Variants in ENPP2 observed in about 807,000 individuals in gnomAD.
ENPP2 encodes the protein ectonucleotide pyrophosphatase/phosphodiesterase 2.
In ENPP2, 51 loss-of-function variants were observed where a neutral mutation model predicts 120.2. That is an observed-to-expected ratio of 0.42 (90% confidence interval 0.34 to 0.54). ENPP2 has a LOEUF of 0.54. Ranked by LOEUF, ENPP2 falls within the 20% of genes least tolerant of loss-of-function variation. The pLI, the probability that ENPP2 is intolerant of heterozygous loss-of-function variation, is 0.04. For missense variants in ENPP2, 920 were observed against 1,066.5 expected (o/e 0.86, Z 1.91); for synonymous variants, 365 against 366.4 (o/e 1.00, Z 0.04).
At chr8:119,633,446 T>TC in intron 2 of ENPP2, among the ~76,000 whole-genome samples, 1 of 151,144 alleles carries the variant, frequency 6.6e-6, no homozygotes, top group African/African-American at 2.5e-5. Flanking sequence ...GCTGTGGTTA[T>TC]ACCAGCTCCT....
rs146602722 is a variant in ENPP2 at position 119,601,538 on chromosome 8, T to A, written c.834-76A>T. ...CTCAAGCCTGAGGAGTGCTCGCTCT[T>A]GCACCCAGGCCAAATGCTCTCTATT... is the stretch of plus-strand genomic sequence containing the variant. On this transcript the variant is annotated intron_variant, in intron 9 of 24. Coordinates refer to ENST00000075322, the MANE Select transcript of ENPP2 (RefSeq NM_001040092.3). 3.8e-6 allele frequency: 4 copies of A among 1,051,436 alleles called. No homozygotes were observed. In the East Asian group the frequency reaches 9.5e-5, roughly 25 times the overall value. 65.1% of individuals were successfully genotyped at this position (1,051,436 alleles called of 1,614,324 possible). A position where few individuals can be genotyped will look rare whatever the true frequency, so the allele number is the denominator to read the frequency against.
At chr8:119,650,541 C>T (rs534656549) in intron 1 of ENPP2, among the ~76,000 whole-genome samples, 2 of 152,178 alleles carry the variant, frequency 1.3e-5, no homozygotes, top group East Asian at 3.9e-4. Flanking sequence ...GAAGCAAATT[C>T]CAAAGCATCT....
At chr8:119,564,506 C>T (rs982849646) in intron 23 of ENPP2, among the ~76,000 whole-genome samples, 7 of 151,694 alleles carry the variant, frequency 4.6e-5, no homozygotes, top group African/African-American at 1.2e-4. Flanking sequence ...GGTGAAACCC[C>T]GTCTCTGCTA....
intron 1 of ENPP2, among the ~76,000 whole-genome samples, chr8:119,658,453 A>G (rs986066742): frequency 1.3e-5 from 2 of 152,184 alleles, no homozygotes; most frequent in Non-Finnish European, 2.9e-5. Flanking sequence ...AATTTTTTGT[A>G]GAGAAGAGGT....
intron 1 of ENPP2, among the ~76,000 whole-genome samples, chr8:119,660,566 G>C (rs973065165): frequency 9.9e-5 from 15 of 152,228 alleles, no homozygotes; most frequent in African/African-American, 3.6e-4. Flanking sequence ...TCTTGGGTCA[G>C]CTTCTGAGCA....
Position 119,587,021 on chromosome 8 carries a change from G to A in ENPP2, c.1239+23C>T, listed in dbSNP as rs757854082. 5 of 1,606,688 alleles carry A rather than the reference G, an allele frequency of 3.1e-6. No homozygotes were observed. In the Admixed American group the frequency reaches 8.5e-5, roughly 27 times the overall value. On this transcript the variant is annotated intron_variant, in intron 14 of 24. Transcript: ENST00000075322. Reference sequence around the variant, plus strand: ...GGGCAGAGGCCTGGGCAGGGCAGAGGCGGGACAACTGGAAACACTTACCGT... The same window carrying A: ...GGGCAGAGGCCTGGGCAGGGCAGAGACGGGACAACTGGAAACACTTACCGT...
At chr8:119,581,764 T>C (rs192506812) in intron 18 of ENPP2, among the ~76,000 whole-genome samples, 964 of 81,164 alleles carry the variant, frequency 0.012, 9 homozygotes, top group African/African-American at 0.034. Context: ...TTTCATTTCC[T>C]TTTTTTTTTT....
chr8:119,597,518 T>C (rs1457896433), intron 11 of ENPP2, among the ~76,000 whole-genome samples: 1 of 152,160 alleles, frequency 6.6e-6, no homozygotes, highest in Non-Finnish European at 1.5e-5. Flanking sequence ...TGACCAGCCA[T>C]ACTTTAGCCT....
At chr8:119,656,238 A>C (rs1817762922) in intron 1 of ENPP2, among the ~76,000 whole-genome samples, 2 of 152,182 alleles carry the variant, frequency 1.3e-5, no homozygotes, top group Admixed American at 1.3e-4. Flanking sequence ...ACTGATAAAA[A>C]TTCAGAAACC....
chr8:119,663,241 A>C (rs1042981411), intron 1 of ENPP2, among the ~76,000 whole-genome samples: 1 of 152,252 alleles, frequency 6.6e-6, no homozygotes, highest in Non-Finnish European at 1.5e-5. Context: ...CAAAATCCCA[A>C]CCAAACTCGA....
At chr8:119,589,039 C>A (rs140335436) in intron 13 of ENPP2, among the ~76,000 whole-genome samples, 1 of 152,124 alleles carries the variant, frequency 6.6e-6, no homozygotes, top group African/African-American at 2.4e-5. Context: ...ACTTATCACA[C>A]AATGCTATTA....
chr8:119,651,883 A>G (rs996297058), intron 1 of ENPP2, among the ~76,000 whole-genome samples: 1 of 152,212 alleles, frequency 6.6e-6, no homozygotes, highest in East Asian at 1.9e-4. Flanking sequence ...GGTTCAATAC[A>G]GATTTAGTAA....
At chr8:119,559,702 G>A (rs1813761542) in intron 24 of ENPP2, among the ~76,000 whole-genome samples, 1 of 152,202 alleles carries the variant, frequency 6.6e-6, no homozygotes, top group African/African-American at 2.4e-5. Flanking sequence ...GGGAGGACAG[G>A]AAAGACTTTA....
intron 2 of ENPP2, among the ~76,000 whole-genome samples, chr8:119,627,780 C>T (rs1038459829): frequency 2.6e-5 from 4 of 151,104 alleles, no homozygotes; most frequent in East Asian, 1.9e-4. Flanking sequence ...GAGAATTGCC[C>T]GAACCTGGGA....
At chr8:119,591,576 A>G (rs527950973) in intron 12 of ENPP2, among the ~76,000 whole-genome samples, 150 of 152,304 alleles carry the variant, frequency 9.8e-4, no homozygotes, top group African/African-American at 3.4e-3. Context: ...AGGGAAAATA[A>G]CCCTGTTGGA....
At chr8:119,576,017 C>T (rs1812309150) in intron 19 of ENPP2, among the ~76,000 whole-genome samples, 1 of 152,150 alleles carries the variant, frequency 6.6e-6, no homozygotes. Context: ...CTAATATCTC[C>T]AAAGAAATAA....
intron 1 of ENPP2, among the ~76,000 whole-genome samples, chr8:119,644,619 TATATATACACACACAC>T (rs1817383145): frequency 9.4e-6 from 1 of 106,624 alleles, no homozygotes; most frequent in South Asian, 3.3e-4. Context: ...TATATATATA[TATATATACACACACAC>T]ACACACACAC....
At chr8:119,653,868 C>T (rs939023453) in intron 1 of ENPP2, among the ~76,000 whole-genome samples, 16 of 151,688 alleles carry the variant, frequency 1.1e-4, no homozygotes, top group African/African-American at 3.9e-4. Context: ...GTGCATTGCC[C>T]TTCCTCAAAC....
chr8:119,611,176 A>G (rs16892862), intron 8 of ENPP2, among the ~76,000 whole-genome samples: 5,634 of 152,328 alleles, frequency 0.037, 344 homozygotes, highest in African/African-American at 0.13. Flanking sequence ...CAAATTCAGC[A>G]TGTAGCTTTG....
Sources: allele counts gnomAD v4.1 joint callset (sites outside exome capture counted in the v4.1 genomes callset), GRCh38; gene constraint gnomAD v4.1.1; transcripts MANE v1.5; gene names NCBI Gene and HGNC (gene_info 2026-07-23, HGNC 2026-07-21).